Variants in ADARB2 observed in about 807,000 individuals in gnomAD.
ADARB2 encodes adenosine deaminase RNA specific B2 (inactive).
A neutral mutation model predicts 62.2 loss-of-function variants in ADARB2; 25 were observed. The observed-to-expected ratio is 0.40, with a 90% CI of 0.29 to 0.56. ADARB2 has a LOEUF of 0.56. Among genes scored for constraint, ADARB2 ranks in the 20% least tolerant of loss-of-function variants. The pLI is 0.43. For missense variants in ADARB2, 1,071 were observed against 1,077.4 expected, an observed-to-expected ratio of 0.99 and a Z score of 0.08; for synonymous variants, 572 against 500.8, an observed-to-expected ratio of 1.14 and a Z score of -1.90.
chr10:1,582,327 C>T (rs886631743), intron 1 of ADARB2, among the ~76,000 whole-genome samples: 5 of 152,136 alleles, frequency 3.3e-5, no homozygotes, highest in Non-Finnish European at 7.4e-5. Flanking sequence ...CTCAGGGCCC[C>T]TATCAGCAGC....
At chr10:1,717,104 C>T (rs1351412784) in intron 1 of ADARB2, among the ~76,000 whole-genome samples, 2 of 144,978 alleles carry the variant, frequency 1.4e-5, no homozygotes, top group Non-Finnish European at 3.0e-5. Flanking sequence ...TCACGTGTTT[C>T]ACAACCAAGA....
chr10:1,446,051 C>T (rs188597508), intron 1 of ADARB2, among the ~76,000 whole-genome samples: 7 of 76,396 alleles, frequency 9.2e-5, no homozygotes, highest in South Asian at 1.2e-3. Context: ...CACTGTAGGA[C>T]GAGGAATGGA....
rs188947577 is a variant in ADARB2 at position 1,244,909 on chromosome 10, A to G, written c.1193-2610T>C. Reference sequence around the variant, plus strand: ...TATTCTACGGGCCGTTGGAGCCCGTAGGAGATGTGTGTGGGAAAGTGGCGA... The same window carrying G: ...TATTCTACGGGCCGTTGGAGCCCGTGGGAGATGTGTGTGGGAAAGTGGCGA... On this transcript the variant is annotated intron_variant, in intron 4 of 9. Coordinates refer to ENST00000381312, the MANE Select transcript of ADARB2 (RefSeq NM_018702.4). Among the ~76,000 whole-genome samples, 303 of 152,356 alleles carry G rather than the reference A, an allele frequency of 2.0e-3. 2 individuals carry two copies. Among genetic ancestry groups the G allele is most frequent in the African/African-American group, 6.6e-3 (276 of 41,586 alleles).
intron 1 of ADARB2, among the ~76,000 whole-genome samples, chr10:1,642,414 G>C (rs1833988980): frequency 6.6e-6 from 1 of 152,150 alleles, no homozygotes; most frequent in South Asian, 2.1e-4. Context: ...TTAAGTATTA[G>C]TAAACATCGT....
intron 6 of ADARB2, among the ~76,000 whole-genome samples, chr10:1,219,265 C>T (rs1830660460): frequency 6.6e-6 from 1 of 152,136 alleles, no homozygotes; most frequent in Non-Finnish European, 1.5e-5. Context: ...TTCTCTAGAG[C>T]AATGTGAGAA....
intron 1 of ADARB2, among the ~76,000 whole-genome samples, chr10:1,658,391 T>C (rs1241516435): frequency 6.6e-6 from 1 of 152,112 alleles, no homozygotes; most frequent in Non-Finnish European, 1.5e-5. Context: ...GTATCTCTTG[T>C]CTTTCTCTGT....
At chr10:1,403,149 C>T (rs539297123) in intron 1 of ADARB2, among the ~76,000 whole-genome samples, 1 of 152,230 alleles carries the variant, frequency 6.6e-6, no homozygotes, top group African/African-American at 2.4e-5. Context: ...GGACCCTGAC[C>T]CCAGCCGCTG....
chr10:1,461,997 A>G (rs1262262762), intron 1 of ADARB2, among the ~76,000 whole-genome samples: 2 of 152,228 alleles, frequency 1.3e-5, no homozygotes, highest in South Asian at 2.1e-4. Context: ...GTGAGACTCC[A>G]TCTCAAAAAA....
intron 3 of ADARB2, among the ~76,000 whole-genome samples, chr10:1,320,469 C>T (rs1197864268): frequency 6.6e-6 from 1 of 152,158 alleles, no homozygotes; most frequent in Non-Finnish European, 1.5e-5. Flanking sequence ...TCAGGCAAGA[C>T]CTCAATTTCA....
intron 6 of ADARB2, among the ~76,000 whole-genome samples, chr10:1,219,379 G>A (rs965791628): frequency 2.1e-4 from 32 of 152,346 alleles, no homozygotes; most frequent in Middle Eastern, 3.4e-3. Flanking sequence ...TTGTCTGTAA[G>A]AGCTGACATT....
intron 1 of ADARB2, among the ~76,000 whole-genome samples, chr10:1,492,531 T>C (rs1273079141): frequency 1.3e-5 from 2 of 152,124 alleles, no homozygotes; most frequent in Non-Finnish European, 2.9e-5. Flanking sequence ...ATTCTGGACT[T>C]CTGGCTTCCA....
rs766926018 is a variant in ADARB2, at chr10:1,737,032, C to T, written c.100+19G>A. On this transcript the variant is annotated intron_variant, in intron 1 of 9. Coordinates refer to ENST00000381312, the MANE Select transcript of ADARB2 (RefSeq NM_018702.4). Reference sequence around the variant, plus strand: ...GGGGGTGAAGGGGGGCAGGGGCCGGCGCGCCACGCGGTCCTTACCTTTCCG... The same window carrying T: ...GGGGGTGAAGGGGGGCAGGGGCCGGTGCGCCACGCGGTCCTTACCTTTCCG... The T allele has an allele frequency of 1.2e-6, 2 of 1,608,030 alleles. No individual in the cohort carries two copies. Among genetic ancestry groups the T allele is most frequent in the East Asian group, 2.2e-5 (1 of 44,858 alleles).
rs551194881 is a variant in ADARB2, at chr10:1,229,125, C to G, written c.1513+4569G>C. Among the ~76,000 whole-genome samples, 4 of 152,312 alleles carry G rather than the reference C, an allele frequency of 2.6e-5. No homozygotes were observed. In the East Asian group the frequency reaches 7.7e-4, roughly 29 times the overall value. On this transcript the variant is annotated intron_variant, in intron 6 of 9. Transcript: ENST00000381312. ...GCAGGTGACACAGCTCCCAAAATAC[C>G]TGAGACCAATTGGCATTGATACCAT...
intron 1 of ADARB2, among the ~76,000 whole-genome samples, chr10:1,552,803 C>A (rs1034676670): frequency 1.3e-5 from 2 of 152,180 alleles, no homozygotes; most frequent in East Asian, 3.9e-4. Context: ...CTGGTCCTGC[C>A]GGACACTCAC....
At chr10:1,603,739 GTCC>G (rs949494086) in intron 1 of ADARB2, among the ~76,000 whole-genome samples, 2 of 150,822 alleles carry the variant, frequency 1.3e-5, no homozygotes, top group Non-Finnish European at 2.9e-5. Flanking sequence ...AAAAAATGGA[GTCC>G]TAAAAATTTG....
intron 4 of ADARB2, among the ~76,000 whole-genome samples, chr10:1,259,025 T>C (rs1367715748): frequency 6.6e-6 from 1 of 152,200 alleles, no homozygotes; most frequent in Non-Finnish European, 1.5e-5. Flanking sequence ...ACATGGAAAC[T>C]GAACAACCTG....
At chr10:1,693,290 G>A (rs1250917084) in intron 1 of ADARB2, among the ~76,000 whole-genome samples, 3 of 152,100 alleles carry the variant, frequency 2.0e-5, no homozygotes, top group African/African-American at 7.2e-5. Flanking sequence ...GGGGAGATTA[G>A]GGCTTGTCAA....
At chr10:1,644,435 T>C (rs1834011655) in intron 1 of ADARB2, among the ~76,000 whole-genome samples, 1 of 152,242 alleles carries the variant, frequency 6.6e-6, no homozygotes, top group Non-Finnish European at 1.5e-5. Flanking sequence ...CTCCCTTTGC[T>C]ATCCAAGCTC....
intron 2 of ADARB2, among the ~76,000 whole-genome samples, chr10:1,369,386 G>C (rs1019974604): frequency 1.3e-5 from 2 of 152,112 alleles, no homozygotes; most frequent in Admixed American, 6.5e-5. Flanking sequence ...CACCCTGGGG[G>C]TGAGGGGACC....
Sources: allele counts gnomAD v4.1 joint callset (sites outside exome capture counted in the v4.1 genomes callset), GRCh38; gene constraint gnomAD v4.1.1; transcripts MANE v1.5; gene names NCBI Gene and HGNC (gene_info 2026-07-23, HGNC 2026-07-21).